RBFOX1: variants seen among roughly 807,000 people sequenced by gnomAD.
The protein encoded by RBFOX1 is RNA binding fox-1 homolog 1.
A neutral mutation model predicts 57.7 loss-of-function variants in RBFOX1; 8 were observed. The ratio of observed to expected loss-of-function variants is 0.14; its 90% CI spans 0.08 to 0.25. The LOEUF is 0.25. RBFOX1 is among the 10% of genes least tolerant of loss of function. The probability of loss-of-function intolerance (pLI) is 1.00; values close to 1 mark genes in which losing one functional copy is unlikely to be tolerated. For missense variants in RBFOX1, 611 were observed against 548.5 expected (o/e 1.11, Z -1.14); for synonymous variants, 326 against 222.4 (o/e 1.47, Z -4.15).
At chr16:6,870,553 C>G (rs1262198203) in intron 3 of RBFOX1, among the ~76,000 whole-genome samples, 1 of 152,162 alleles carries the variant, frequency 6.6e-6, no homozygotes, top group South Asian at 2.1e-4. Context: ...CCTTGTATAA[C>G]TTTTGCAGGC....
chr16:6,850,306 A>G (rs1401346012), intron 3 of RBFOX1, among the ~76,000 whole-genome samples: 2 of 152,202 alleles, frequency 1.3e-5, no homozygotes, highest in African/African-American at 4.8e-5. Flanking sequence ...ATTGACAGGT[A>G]CGATGAAAGA....
rs541180522 is a variant in RBFOX1 at position 5,983,790 on chromosome 16, C to T, written c.351+116455C>T. On this transcript the variant is annotated intron_variant, in intron 4 of 19. Coordinates refer to the RBFOX1 transcript ENST00000641259. ...TCTGAACAGTGATTTTTAACAGGGC[C>T]AGGCTGTCGGGGGGTGTCAGGTCTG... Among the ~76,000 whole-genome samples the T allele has an allele frequency of 2.6e-5, 4 of 152,020 alleles. No homozygotes were observed. In the South Asian group the frequency reaches 8.3e-4, roughly 32 times the overall value.
At chr16:6,755,508 A>G (rs2075649052) in intron 3 of RBFOX1, among the ~76,000 whole-genome samples, 1 of 152,124 alleles carries the variant, frequency 6.6e-6, no homozygotes, top group Non-Finnish European at 1.5e-5. Flanking sequence ...CTCCTGTTTT[A>G]ATGCCAAGAT....
rs116411196 is a variant in RBFOX1 at position 6,053,159 on chromosome 16, T to C, written c.-127+33167T>C. 3.9e-3 allele frequency among the ~76,000 whole-genome samples: 597 copies of C among 152,310 alleles called. 2 individuals carry two copies. The highest frequency in any genetic ancestry group is 0.013 in the African/African-American group (548 of 41,574). On this transcript the variant is annotated intron_variant, in intron 1 of 15. Coordinates refer to ENST00000550418, the MANE Select transcript of RBFOX1 (RefSeq NM_018723.4). ...ACACAGTGAGGCCTCCGCTATTATT[T>C]GCAAATTTTTGTGCCATGGATGTAG... is the stretch of plus-strand genomic sequence containing the variant.
intron 3 of RBFOX1, among the ~76,000 whole-genome samples, chr16:6,666,401 G>C (rs2098732936): frequency 6.6e-6 from 1 of 152,028 alleles, no homozygotes; most frequent in Non-Finnish European, 1.5e-5. Context: ...CAGGTGTGGT[G>C]GTGGGCACCT....
intron 3 of RBFOX1, among the ~76,000 whole-genome samples, chr16:5,620,694 G>C (rs968810023): frequency 6.6e-6 from 1 of 151,900 alleles, no homozygotes; most frequent in Non-Finnish European, 1.5e-5. Context: ...TATTTTTTTG[G>C]TAGAGATAGG....
chr16:7,262,851 G>A (rs1488868268), intron 4 of RBFOX1, among the ~76,000 whole-genome samples: 1 of 152,236 alleles, frequency 6.6e-6, no homozygotes, highest in Admixed American at 6.5e-5. Context: ...GGGGTGTCAG[G>A]ATCATAGATA....
chr16:7,630,698 G>T lies in RBFOX1; in HGVS notation c.757+15G>T. The T allele has an allele frequency of 1.2e-6, 2 of 1,613,898 alleles. No homozygotes were observed. Among genetic ancestry groups the T allele is most frequent in the Non-Finnish European group, 1.7e-6 (2 of 1,179,960 alleles). On this transcript the variant is annotated intron_variant, in intron 11 of 15. Coordinates refer to ENST00000550418, the MANE Select transcript of RBFOX1 (RefSeq NM_018723.4). ...TACTTCTGCAAGTAAGCCCACTGTC[G>T]TGGCTCTTTTTGTTTTGTGACATAA...
chr16:5,365,974 T>C lies in RBFOX1; in HGVS notation c.220-101242T>C, dbSNP rs1304355490. The C allele has an allele frequency of 2.2e-5, 11 of 496,034 alleles. 1 individual carries two copies. The highest frequency in any genetic ancestry group is 7.6e-5 in the South Asian group (5 of 66,192). 30.7% of individuals were successfully genotyped at this position (496,034 alleles called of 1,614,324 possible). On this transcript the variant is annotated intron_variant, in intron 1 of 2. Transcript: ENST00000585867. The stretch of plus-strand genomic sequence containing the variant: ...GGTGTGAAGGATGAATCGTACATTG[T>C]GGAAGCAGAGGCAGTGAATTAGAAG...
intron 1 of RBFOX1, among the ~76,000 whole-genome samples, chr16:5,461,298 G>A (rs895168384): frequency 1.3e-5 from 2 of 152,126 alleles, no homozygotes; most frequent in South Asian, 2.1e-4. Flanking sequence ...TTAGAGGCTC[G>A]ATGATCTGCC....
chr16:5,756,883 A>T (rs755787962), intron 3 of RBFOX1, among the ~76,000 whole-genome samples: 3 of 152,220 alleles, frequency 2.0e-5, no homozygotes, highest in Non-Finnish European at 2.9e-5. Flanking sequence ...TAAGCACGTT[A>T]CATTTGTATA....
chr16:7,294,225 C>A (rs755946766), intron 4 of RBFOX1, among the ~76,000 whole-genome samples: 1 of 152,022 alleles, frequency 6.6e-6, no homozygotes, highest in African/African-American at 2.4e-5. Flanking sequence ...TTGTCTCTGC[C>A]GCCTACCCTT....
chr16:6,120,330 T>C (rs2096539748), intron 1 of RBFOX1, among the ~76,000 whole-genome samples: 1 of 152,224 alleles, frequency 6.6e-6, no homozygotes, highest in South Asian at 2.1e-4. Context: ...AGCTCTATGT[T>C]CAACTTACTG....
chr16:6,505,038 A>C (rs1184170014), intron 2 of RBFOX1, among the ~76,000 whole-genome samples: 3 of 152,116 alleles, frequency 2.0e-5, no homozygotes, highest in African/African-American at 7.2e-5. Context: ...GTGCTGCTCT[A>C]CTCCATCTTG....
At chr16:7,322,967 G>T (rs981729495) in intron 4 of RBFOX1, among the ~76,000 whole-genome samples, 8 of 152,128 alleles carry the variant, frequency 5.3e-5, no homozygotes, top group Admixed American at 2.6e-4. Flanking sequence ...AGACTCAGTG[G>T]TGGGTGGTGT....
At chr16:7,396,252 A>G (rs1467779399) in intron 4 of RBFOX1, among the ~76,000 whole-genome samples, 2 of 152,180 alleles carry the variant, frequency 1.3e-5, no homozygotes, top group African/African-American at 4.8e-5. Context: ...CTACCTGTCT[A>G]CACCGGCTGC....
intron 1 of RBFOX1, among the ~76,000 whole-genome samples, chr16:6,058,259 T>C (rs1468544892): frequency 6.6e-6 from 1 of 152,024 alleles, no homozygotes; most frequent in African/African-American, 2.4e-5. Context: ...GCCCCTATTC[T>C]CTTTCTAGCC....
intron 4 of RBFOX1, among the ~76,000 whole-genome samples, chr16:7,231,544 T>C (rs1356357601): frequency 6.6e-6 from 1 of 152,156 alleles, no homozygotes; most frequent in East Asian, 1.9e-4. Context: ...GTTAGATGCC[T>C]AAAGGAAAGA....
intron 4 of RBFOX1, among the ~76,000 whole-genome samples, chr16:7,366,646 CTT>C (rs35391383): frequency 8.2e-5 from 12 of 146,402 alleles, no homozygotes; most frequent in South Asian, 6.5e-4. Flanking sequence ...TGATAGTTTT[CTT>C]TTTTTTTTTT....
Sources: allele counts gnomAD v4.1 joint callset (sites outside exome capture counted in the v4.1 genomes callset), GRCh38; gene constraint gnomAD v4.1.1; transcripts MANE v1.5; gene names NCBI Gene and HGNC (gene_info 2026-07-23, HGNC 2026-07-21).